CCSER1: variants seen among roughly 807,000 people sequenced by gnomAD.
The protein encoded by CCSER1 is serine-rich coiled-coil domain-containing protein 1.
A neutral mutation model predicts 82.0 loss-of-function variants in CCSER1; 41 were observed. The observed-to-expected ratio is 0.50, with a 90% confidence interval of 0.39 to 0.65. The LOEUF is 0.65. CCSER1 is among the 30% of genes least tolerant of loss of function. The pLI, the probability that CCSER1 is intolerant of heterozygous loss-of-function variation, is 0.00. For synonymous variants in CCSER1, 414 were observed against 383.9 expected, an observed-to-expected ratio of 1.08 and a Z score of -0.92; for missense variants, 1,119 against 1,064.2, an observed-to-expected ratio of 1.05 and a Z score of -0.72.
chr4:90,498,581 T>C (rs1769374778), intron 5 of CCSER1, among the ~76,000 whole-genome samples: 1 of 152,188 alleles, frequency 6.6e-6, no homozygotes, highest in Non-Finnish European at 1.5e-5. Context: ...AACTGCCTCA[T>C]TGTAAATTAT....
intron 6 of CCSER1, among the ~76,000 whole-genome samples, chr4:90,685,914 C>G (rs762248530): frequency 7.9e-5 from 12 of 152,084 alleles, no homozygotes; most frequent in Non-Finnish European, 1.3e-4. Flanking sequence ...TTGCCCATAT[C>G]GAAATTCAGG....
At chr4:90,915,557 C>T (rs1014111523) in intron 8 of CCSER1, among the ~76,000 whole-genome samples, 10 of 152,154 alleles carry the variant, frequency 6.6e-5, no homozygotes, top group African/African-American at 2.4e-4. Flanking sequence ...CAGCCAATAT[C>T]ATACTGAATG....
intron 10 of CCSER1, among the ~76,000 whole-genome samples, chr4:91,542,581 G>A (rs1410858621): frequency 6.6e-6 from 1 of 152,094 alleles, no homozygotes; most frequent in African/African-American, 2.4e-5. Flanking sequence ...TTTAAGAGCA[G>A]GTTGTTCAGT....
chr4:90,993,905 G>T (rs1016525379), intron 9 of CCSER1, among the ~76,000 whole-genome samples: 4 of 152,038 alleles, frequency 2.6e-5, no homozygotes, highest in Non-Finnish European at 5.9e-5. Flanking sequence ...AATAATTTGA[G>T]TAATTGATAA....
At chr4:91,593,828 G>C (rs1353087590) in intron 10 of CCSER1, among the ~76,000 whole-genome samples, 1 of 152,040 alleles carries the variant, frequency 6.6e-6, no homozygotes. Flanking sequence ...TGGTTTATTT[G>C]TTTTAAATCA....
At chr4:90,936,412 T>C (rs1312205227) in intron 9 of CCSER1, among the ~76,000 whole-genome samples, 1 of 152,144 alleles carries the variant, frequency 6.6e-6, no homozygotes, top group Non-Finnish European at 1.5e-5. Context: ...TTAGGTGAAC[T>C]TTACTATTTC....
At chr4:91,385,345 G>A (rs933715021) in intron 10 of CCSER1, among the ~76,000 whole-genome samples, 1 of 151,952 alleles carries the variant, frequency 6.6e-6, no homozygotes, top group Non-Finnish European at 1.5e-5. Flanking sequence ...TTCCTTTTGA[G>A]TAATAAAGAG....
intron 8 of CCSER1, among the ~76,000 whole-genome samples, chr4:90,823,285 AT>A (rs1473797330): frequency 3.3e-5 from 5 of 152,098 alleles, no homozygotes; most frequent in South Asian, 2.1e-4. Context: ...CAATTATCAC[AT>A]TTTTTTAATT....
intron 3 of CCSER1, among the ~76,000 whole-genome samples, chr4:90,319,202 G>A (rs1019832123): frequency 5.3e-5 from 8 of 152,088 alleles, no homozygotes; most frequent in Non-Finnish European, 8.8e-5. Flanking sequence ...AAAGAAGAAC[G>A]TACAAAATGA....
chr4:91,334,976 T>G (rs966979851), intron 10 of CCSER1, among the ~76,000 whole-genome samples: 7 of 152,056 alleles, frequency 4.6e-5, no homozygotes, highest in African/African-American at 1.4e-4. Flanking sequence ...GAAGGTTTTC[T>G]TACTGAAATG....
intron 1 of CCSER1, among the ~76,000 whole-genome samples, chr4:90,230,009 C>T (rs1254734522): frequency 1.3e-5 from 2 of 152,144 alleles, no homozygotes; most frequent in South Asian, 2.1e-4. Context: ...TAGACTCCCA[C>T]ACAATAATAA....
chr4:90,904,970 C>G (rs1725241709), intron 8 of CCSER1, among the ~76,000 whole-genome samples: 1 of 152,100 alleles, frequency 6.6e-6, no homozygotes. Context: ...TCAGGAATAT[C>G]ACCATCAACC....
In CCSER1 at chr4:91,428,204, T is replaced by C. The variant is rs533581322; in HGVS notation, c.2218-170368T>C. On this transcript the variant is annotated intron_variant, in intron 10 of 10. Transcript: ENST00000509176. ...ACATAAAAATTATCATCCATCCACTTACAATATTCTATCTTTATGGCTTTT... is the reference window on the plus strand; with the variant it reads ...ACATAAAAATTATCATCCATCCACTCACAATATTCTATCTTTATGGCTTTT... 4.6e-5 allele frequency among the ~76,000 whole-genome samples: 7 copies of C among 152,176 alleles called. No individual in the cohort carries two copies. In the South Asian group the frequency reaches 1.4e-3, roughly 31 times the overall value.
intron 10 of CCSER1, among the ~76,000 whole-genome samples, chr4:91,372,770 C>A (rs112405930): frequency 0.019 from 2,961 of 151,924 alleles, 74 homozygotes; most frequent in African/African-American, 0.067. Context: ...TTCTGTGTAG[C>A]GGGTGCACAT....
At chr4:90,948,652 A>C (rs1732546380) in intron 9 of CCSER1, among the ~76,000 whole-genome samples, 1 of 152,152 alleles carries the variant, frequency 6.6e-6, no homozygotes, top group South Asian at 2.1e-4. Context: ...CTGAAATTTT[A>C]AGCATTTATA....
chr4:90,930,355 A>C lies in CCSER1; in HGVS notation c.2172+6908A>C, dbSNP rs541766855. Reference sequence around the variant, plus strand: ...GGTGGCTCACGCCTGTAATCCCAGCACTTTGGGAGGCTGAGGCAGGCGGAT... The same window carrying C: ...GGTGGCTCACGCCTGTAATCCCAGCCCTTTGGGAGGCTGAGGCAGGCGGAT... On this transcript the variant is annotated intron_variant, in intron 9 of 10. Coordinates refer to ENST00000509176, the MANE Select transcript of CCSER1 (RefSeq NM_001145065.2). 2.0e-3 allele frequency among the ~76,000 whole-genome samples: 297 copies of C among 152,220 alleles called. 2 individuals are homozygous for C. Among genetic ancestry groups the C allele is most frequent in the African/African-American group, 6.9e-3 (285 of 41,544 alleles).
At chr4:90,922,315 G>A (rs139175497) in intron 8 of CCSER1, among the ~76,000 whole-genome samples, 237 of 152,024 alleles carry the variant, frequency 1.6e-3, no homozygotes, top group African/African-American at 5.6e-3. Flanking sequence ...AAGAGGGAAG[G>A]GGAAGGAACA....
At chr4:90,992,835 G>T (rs1737159284) in intron 9 of CCSER1, among the ~76,000 whole-genome samples, 1 of 151,864 alleles carries the variant, frequency 6.6e-6, no homozygotes, top group Non-Finnish European at 1.5e-5. Flanking sequence ...AAGACAGGGA[G>T]ACCACAGACG....
chr4:90,917,042 T>C (rs964331467), intron 8 of CCSER1, among the ~76,000 whole-genome samples: 2 of 152,082 alleles, frequency 1.3e-5, no homozygotes, highest in Non-Finnish European at 2.9e-5. Context: ...TGTGGAGAAA[T>C]AAGAACACTT....
Sources: gnomAD v4.1 joint callset for allele counts (sites outside exome capture counted in the v4.1 genomes callset) on GRCh38, gnomAD v4.1.1 for gene constraint, MANE v1.5 for transcripts, NCBI Gene and HGNC (gene_info 2026-07-23, HGNC 2026-07-21) for gene names.